The following WDR72 variants were observed in gnomAD, a reference collection of about 807,000 sequenced individuals.
WDR72 encodes WD repeat domain 72.
WDR72 carries 120 observed loss-of-function variants against 124.2 expected under a neutral mutation model. The observed-to-expected ratio is 0.97, with a 90% CI of 0.83 to 1.12. The LOEUF (loss-of-function observed/expected upper bound fraction) is 1.12. Ranked by LOEUF, WDR72 falls within the 50% of genes most tolerant of loss-of-function variation. WDR72 has a pLI of 0.00. For missense variants in WDR72, 1,387 were observed against 1,278.8 expected (o/e 1.08, Z -1.29); for synonymous variants, 452 against 441.7 (o/e 1.02, Z -0.29).
At chr15:53,609,404 T>C in intron 17 of WDR72, 109 bp downstream of exon 17, 2 of 960,146 alleles carry the variant, frequency 2.1e-6, no homozygotes. Flanking sequence ...AAAGGCCATT[T>C]TATGAGGACA....
At chr15:53,624,307 G>A (rs1015558080) in intron 14 of WDR72, among the ~76,000 whole-genome samples, 4 of 152,172 alleles carry the variant, frequency 2.6e-5, no homozygotes, top group Admixed American at 1.3e-4. Flanking sequence ...AAGTCTTCAA[G>A]GGGTATTTAA....
intron 18 of WDR72, among the ~76,000 whole-genome samples, chr15:53,568,083 T>A (rs1024957684): frequency 2.0e-5 from 3 of 150,162 alleles, no homozygotes; most frequent in Non-Finnish European, 4.4e-5. Context: ...TTTTTTTTTT[T>A]TTATTTTTTT....
intron 13 of WDR72, among the ~76,000 whole-genome samples, chr15:53,696,622 A>C (rs2017011670): frequency 6.6e-6 from 1 of 152,216 alleles, no homozygotes. Context: ...TGAAAATATA[A>C]ATGGAAACAC....
intron 13 of WDR72, among the ~76,000 whole-genome samples, chr15:53,675,429 G>A (rs1479096776): frequency 2.0e-5 from 3 of 151,844 alleles, no homozygotes; most frequent in Non-Finnish European, 4.4e-5. Context: ...AATTTAAGAG[G>A]TAGATATTCA....
chr15:53,758,001 CTCTCTCTT>C (rs1349054292), intron 1 of WDR72, among the ~76,000 whole-genome samples: 2,086 of 126,156 alleles, frequency 0.017, 54 homozygotes, highest in African/African-American at 0.053. Context: ...CTCTCTCTCT[CTCTCTCTT>C]TTTCTCTTTT....
intron 1 of WDR72, among the ~76,000 whole-genome samples, chr15:53,759,007 A>G (rs966164548): frequency 6.6e-6 from 1 of 151,856 alleles, no homozygotes; most frequent in Non-Finnish European, 1.5e-5. Flanking sequence ...CAACCTTACA[A>G]GGGGCAAAAG....
upstream of WDR72, among the ~76,000 whole-genome samples, chr15:53,762,256 A>G (rs953654463): frequency 2.6e-5 from 4 of 152,070 alleles, no homozygotes; most frequent in Non-Finnish European, 5.9e-5. Flanking sequence ...AGTGTTTCCT[A>G]CTAGAGCACT....
chr15:53,658,582 C>T (rs1387695205), intron 14 of WDR72, among the ~76,000 whole-genome samples: 7 of 151,986 alleles, frequency 4.6e-5, no homozygotes, highest in Admixed American at 1.3e-4. Flanking sequence ...GGGAGGGACA[C>T]GGAAGATAAA....
chr15:53,603,253 T>C (rs1240630425), intron 17 of WDR72, among the ~76,000 whole-genome samples: 2 of 152,030 alleles, frequency 1.3e-5, no homozygotes, highest in African/African-American at 2.4e-5. Context: ...ATTATCTCCA[T>C]AGAAGCAGAA....
At chr15:53,718,449 C>G (rs916505613) in intron 3 of WDR72, among the ~76,000 whole-genome samples, 1 of 152,024 alleles carries the variant, frequency 6.6e-6, no homozygotes, top group Non-Finnish European at 1.5e-5. Context: ...ATTGCTTTCC[C>G]TATTTGTTTG....
chr15:53,639,722 C>G (rs1248752274), intron 14 of WDR72, among the ~76,000 whole-genome samples: 1 of 151,910 alleles, frequency 6.6e-6, no homozygotes, highest in Non-Finnish European at 1.5e-5. Flanking sequence ...GCCTTTGTGT[C>G]TCTTTTCATG....
chr15:53,748,550 C>T (rs1034387638), intron 1 of WDR72, among the ~76,000 whole-genome samples: 12 of 152,226 alleles, frequency 7.9e-5, no homozygotes, highest in African/African-American at 2.2e-4. Flanking sequence ...TTTAATCCTC[C>T]GTCATAGTCA....
In WDR72 at chr15:53,615,484, G is replaced by T; in HGVS notation, c.2722C>A (p.Leu908Ile). The T allele has an allele frequency of 6.2e-7, 1 of 1,612,272 alleles. No homozygotes were observed. The highest frequency in any genetic ancestry group is 8.5e-7 in the Non-Finnish European group (1 of 1,179,152). Residue 908 changes from leucine (L) to isoleucine (I), a missense_variant, in exon 15 of 20, where the codon CTA (leucine) becomes ATA (isoleucine). Leu to Ile is a conservative substitution (Grantham distance 5). Coordinates refer to ENST00000360509, the MANE Select transcript of WDR72 (RefSeq NM_182758.4). ...TTAACTAATTTATTAACTAAAAATA[G>T]TCTGCTCAACAAATAAACTATAGTA... ...SDTIVYLLSR[L>I]FLVNKLVNMP... is the part of the protein sequence containing the mutation.
At chr15:53,713,433 A>G (rs2447049) in intron 6 of WDR72, among the ~76,000 whole-genome samples, 314 of 3,424 alleles carry the variant, frequency 0.092, 2 homozygotes, top group Admixed American at 0.2. Flanking sequence ...ATTTTATTTT[A>G]TTTTATTTTA....
At chr15:53,567,910 A>AT (rs901716444) in intron 18 of WDR72, among the ~76,000 whole-genome samples, 5 of 151,484 alleles carry the variant, frequency 3.3e-5, no homozygotes, top group African/African-American at 1.2e-4. Flanking sequence ...TCTAAGCTTT[A>AT]TTAGAAATGT....
chr15:53,602,757 C>T (rs2013101603), intron 17 of WDR72, among the ~76,000 whole-genome samples: 1 of 151,952 alleles, frequency 6.6e-6, no homozygotes, highest in Admixed American at 6.6e-5. Flanking sequence ...AATTCCTGGA[C>T]ACATGCACCC....
chr15:53,726,264 G>GTATATATATATATATATATATATA (rs34367324), intron 2 of WDR72, among the ~76,000 whole-genome samples: 22 of 110,350 alleles, frequency 2.0e-4, no homozygotes, highest in African/African-American at 1.0e-3. Context: ...ATGTATGTGT[G>GTATATATATATATATATATATATA]TATATATATA....
At chr15:53,643,572 G>A (rs978809459) in intron 14 of WDR72, among the ~76,000 whole-genome samples, 1 of 151,976 alleles carries the variant, frequency 6.6e-6, no homozygotes, top group Non-Finnish European at 1.5e-5. Flanking sequence ...CTTTCTTTGG[G>A]GCAACCAAAT....
intron 13 of WDR72, among the ~76,000 whole-genome samples, chr15:53,679,305 T>C (rs1373713070): frequency 6.6e-6 from 1 of 152,202 alleles, no homozygotes; most frequent in Non-Finnish European, 1.5e-5. Flanking sequence ...AAGCTTAAAA[T>C]GGTAAATTCT....
Sources: allele counts gnomAD v4.1 joint callset (sites outside exome capture counted in the v4.1 genomes callset), GRCh38; gene constraint gnomAD v4.1.1; transcripts MANE v1.5; gene names NCBI Gene and HGNC (gene_info 2026-07-23, HGNC 2026-07-21).